Variants in UNC5C observed in about 807,000 individuals in gnomAD.
The protein encoded by UNC5C is unc-5 netrin receptor C.
In UNC5C, 47 loss-of-function variants were observed where a neutral mutation model predicts 99.8. That is an observed-to-expected ratio of 0.47 (90% CI 0.37 to 0.60). The LOEUF is 0.60. UNC5C is among the 20% of genes least tolerant of loss of function. UNC5C has a pLI of 0.00. For missense variants in UNC5C, 1,062 were observed against 1,165.9 expected (o/e 0.91, Z 1.30); for synonymous variants, 487 against 452.2 (o/e 1.08, Z -0.98).
intron 12 of UNC5C, among the ~76,000 whole-genome samples, chr4:95,202,020 A>G (rs900038591): frequency 2.0e-5 from 3 of 152,058 alleles, no homozygotes; most frequent in Non-Finnish European, 4.4e-5. Flanking sequence ...ATTAGGGCCA[A>G]TCATCAAATA....
intron 12 of UNC5C, 65 bp from the exon 13 acceptor site, chr4:95,185,261 A>C: frequency 8.4e-5 from 127 of 1,520,484 alleles, no homozygotes; most frequent in Non-Finnish European, 1.0e-4. Flanking sequence ...CAGCTCTCTC[A>C]TTGAATAAGT....
chr4:95,420,820 A>G (rs1746297827), intron 1 of UNC5C, among the ~76,000 whole-genome samples: 1 of 152,228 alleles, frequency 6.6e-6, no homozygotes, highest in Non-Finnish European at 1.5e-5. Flanking sequence ...ATTTTAAAAG[A>G]GGCATAACTT....
At chr4:95,504,852 G>A (rs1721873232) in intron 1 of UNC5C, among the ~76,000 whole-genome samples, 1 of 152,010 alleles carries the variant, frequency 6.6e-6, no homozygotes, top group African/African-American at 2.4e-5. Flanking sequence ...ATTCATTGCA[G>A]TTTAAATTTG....
At chr4:95,361,288 C>T (rs985995998) in intron 1 of UNC5C, among the ~76,000 whole-genome samples, 2 of 152,174 alleles carry the variant, frequency 1.3e-5, no homozygotes, top group African/African-American at 2.4e-5. Context: ...TTTTCATACT[C>T]TGTTTTTCTT....
intron 3 of UNC5C, among the ~76,000 whole-genome samples, chr4:95,279,399 G>A (rs2149394611): frequency 6.6e-6 from 1 of 152,298 alleles, no homozygotes; most frequent in Non-Finnish European, 1.5e-5. Context: ...GCACAAAAAT[G>A]TTAGAAGCCA....
At chr4:95,448,213 T>A (rs1212740362) in intron 1 of UNC5C, among the ~76,000 whole-genome samples, 18 of 98,886 alleles carry the variant, frequency 1.8e-4, no homozygotes, top group Non-Finnish European at 7.3e-5. Flanking sequence ...TGTGTGTGTG[T>A]GTGTGTGTGT....
intron 1 of UNC5C, among the ~76,000 whole-genome samples, chr4:95,378,309 T>G (rs947881338): frequency 6.6e-6 from 1 of 152,218 alleles, no homozygotes; most frequent in Non-Finnish European, 1.5e-5. Context: ...CTTAGATATA[T>G]AATCTATTAA....
chr4:95,182,841 C>T, intron 14 of UNC5C, 56 bp downstream of exon 14: 9 of 1,558,210 alleles, frequency 5.8e-6, no homozygotes, highest in Non-Finnish European at 7.9e-6. Context: ...CCCACACACT[C>T]TGTCTTCCTG....
intron 3 of UNC5C, among the ~76,000 whole-genome samples, chr4:95,300,776 ATAGT>A (rs1359102399): frequency 6.6e-6 from 1 of 152,186 alleles, no homozygotes; most frequent in Non-Finnish European, 1.5e-5. Flanking sequence ...AGAATAAAAG[ATAGT>A]TACTAGAGGC....
chr4:95,401,551 C>T (rs1579385943), intron 1 of UNC5C, among the ~76,000 whole-genome samples: 3 of 152,146 alleles, frequency 2.0e-5, no homozygotes, highest in Admixed American at 2.0e-4. Context: ...GTAATCCTCC[C>T]ACTTTGGTCT....
chr4:95,258,765 T>C (rs2149385559), intron 4 of UNC5C, among the ~76,000 whole-genome samples: 1 of 121,182 alleles, frequency 8.3e-6, no homozygotes, highest in South Asian at 3.4e-4. Flanking sequence ...TTTTTTTTTT[T>C]TTTTTTTGAG....
intron 1 of UNC5C, among the ~76,000 whole-genome samples, chr4:95,507,470 T>C (rs1397122106): frequency 1.3e-5 from 2 of 152,034 alleles, no homozygotes; most frequent in Non-Finnish European, 2.9e-5. Flanking sequence ...TTTAAGGATA[T>C]TTGTCTACAT....
chr4:95,493,994 A>G (rs1488981733), intron 1 of UNC5C, among the ~76,000 whole-genome samples: 1 of 151,492 alleles, frequency 6.6e-6, no homozygotes, highest in Non-Finnish European at 1.5e-5. Context: ...ACATTTCATG[A>G]TTAAATTTAA....
chr4:95,354,047 TC>T (rs1479228320), intron 1 of UNC5C, among the ~76,000 whole-genome samples: 1 of 152,162 alleles, frequency 6.6e-6, no homozygotes, highest in Non-Finnish European at 1.5e-5. Context: ...TTTGACTCTT[TC>T]CTCTCCCTCA....
intron 1 of UNC5C, among the ~76,000 whole-genome samples, chr4:95,491,401 G>T (rs1721487886): frequency 6.6e-6 from 1 of 151,582 alleles, no homozygotes; most frequent in Non-Finnish European, 1.5e-5. Context: ...CTAAACAAAA[G>T]TTATTTTAAT....
Position 95,318,822 on chromosome 4 carries a change from A to C in UNC5C, c.346+16588T>G, listed in dbSNP as rs569887024. 7.9e-5 allele frequency among the ~76,000 whole-genome samples: 12 copies of C among 152,340 alleles called. No homozygotes were observed. In the South Asian group the frequency reaches 1.7e-3, roughly 21 times the overall value. The stretch of plus-strand genomic sequence containing the variant: ...CTTCTGCTTTAGCAGTTTAATAGGC[A>C]GAGACAGGGGAAAGGATATTGAAGA... On this transcript the variant is annotated intron_variant, in intron 2 of 15. Coordinates refer to ENST00000453304, the MANE Select transcript of UNC5C (RefSeq NM_003728.4).
chr4:95,234,135 T>C (rs562913962), intron 7 of UNC5C, among the ~76,000 whole-genome samples: 3 of 152,150 alleles, frequency 2.0e-5, no homozygotes, highest in Non-Finnish European at 4.4e-5. Context: ...GTCATAACCA[T>C]TTAATGTAAA....
chr4:95,523,318 G>A, intron 1 of UNC5C, among the ~76,000 whole-genome samples: 1 of 152,124 alleles, frequency 6.6e-6, no homozygotes, highest in East Asian at 1.9e-4. Context: ...CCGCCAACAG[G>A]ACAGCAGCTG....
At chr4:95,373,171 C>T (rs761388271) in intron 1 of UNC5C, among the ~76,000 whole-genome samples, 1 of 152,160 alleles carries the variant, frequency 6.6e-6, no homozygotes, top group Non-Finnish European at 1.5e-5. Flanking sequence ...AACTATCCCG[C>T]AACAGCCAGA....
Sources: allele counts gnomAD v4.1 joint callset (sites outside exome capture counted in the v4.1 genomes callset), GRCh38; gene constraint gnomAD v4.1.1; transcripts MANE v1.5; gene names NCBI Gene and HGNC (gene_info 2026-07-23, HGNC 2026-07-21).